Variants in DCP2 observed in about 807,000 individuals in gnomAD.
DCP2 encodes m7GpppN-mRNA hydrolase.
In DCP2, 30 loss-of-function variants were observed where a neutral mutation model predicts 56.1. That is an observed-to-expected ratio of 0.53 (90% confidence interval 0.40 to 0.73). The LOEUF is 0.73. DCP2 is among the 30% of genes least tolerant of loss of function. The pLI is 0.00. For missense variants in DCP2, 533 were observed against 502.7 expected, an observed-to-expected ratio of 1.06 and a Z score of -0.58; for synonymous variants, 197 against 163.3, an observed-to-expected ratio of 1.21 and a Z score of -1.57.
At chr5:112,987,073 C>T (rs975553047) in intron 2 of DCP2, among the ~76,000 whole-genome samples, 4 of 151,944 alleles carry the variant, frequency 2.6e-5, no homozygotes, top group African/African-American at 4.8e-5. Flanking sequence ...AGAAACTTGT[C>T]GTGATTTATT....
chr5:113,008,142 T>C (rs2150189760), intron 9 of DCP2, 100 bp downstream of exon 9: 6 of 989,206 alleles, frequency 6.1e-6, no homozygotes, highest in African/African-American at 3.2e-5. Flanking sequence ...TTTGTTCTTA[T>C]TTTAATTGAT....
intron 2 of DCP2, among the ~76,000 whole-genome samples, chr5:112,986,213 C>T (rs1329582704): frequency 6.6e-6 from 1 of 152,120 alleles, no homozygotes; most frequent in Non-Finnish European, 1.5e-5. Context: ...AAAATGTACA[C>T]TGATTAAATT....
intron 2 of DCP2, among the ~76,000 whole-genome samples, chr5:112,986,568 C>T (rs951496965): frequency 6.6e-6 from 1 of 151,904 alleles, no homozygotes; most frequent in African/African-American, 2.4e-5. Context: ...GAACTCCTGG[C>T]CTCAAGTGAT....
At chr5:112,992,791 A>C (rs768173004) in intron 4 of DCP2, 21 bp downstream of exon 4, 12 of 1,546,034 alleles carry the variant, frequency 7.8e-6, no homozygotes, top group Non-Finnish European at 9.5e-6. Context: ...CCATTTTGAT[A>C]CACAGTAAAT....
intron 8 of DCP2, among the ~76,000 whole-genome samples, chr5:113,006,825 G>A (rs896532501): frequency 2.0e-5 from 3 of 152,018 alleles, no homozygotes; most frequent in Admixed American, 1.3e-4. Context: ...TAGGAATAAT[G>A]GCCCACATTT....
intron 1 of DCP2, among the ~76,000 whole-genome samples, 169 bp from the exon 2 acceptor site, chr5:112,985,666 G>C (rs1377369862): frequency 6.6e-6 from 1 of 152,172 alleles, no homozygotes; most frequent in African/African-American, 2.4e-5. Flanking sequence ...TCCTCTCTAA[G>C]ACTCATCTTC....
In DCP2 at chr5:113,018,440, A is replaced by G. The variant is rs1463633526; in HGVS notation, c.*4956A>G. On this transcript the variant is annotated 3_prime_UTR_variant, in exon 11 of 11. Coordinates refer to ENST00000389063, the MANE Select transcript of DCP2 (RefSeq NM_152624.6). ...TGTTAGCAGCTTGAAGGCACAACGT[A>G]AAAGGAATGAGCTTTCACAAGGTGC... 6.6e-6 allele frequency: 1 copy of G among 152,228 alleles called. No individual in the cohort carries two copies. Among genetic ancestry groups the G allele is most frequent in the East Asian group, 1.9e-4 (1 of 5,200 alleles). The allele number at this position is 152,228 out of a possible 1,614,324, so 9.4% of individuals were successfully genotyped here.
intron 8 of DCP2, among the ~76,000 whole-genome samples, chr5:113,007,149 T>C (rs1463598844): frequency 1.3e-5 from 2 of 152,002 alleles, no homozygotes; most frequent in African/African-American, 2.4e-5. Context: ...ATAATAGTAA[T>C]CTTTGTTATT....
chr5:112,987,645 T>C (rs1748360936), intron 2 of DCP2, among the ~76,000 whole-genome samples: 1 of 142,642 alleles, frequency 7.0e-6, no homozygotes, highest in South Asian at 2.2e-4. Context: ...TTTTTTTTTT[T>C]GTATTTTTAG....
chr5:112,985,429 T>C (rs1463626668), intron 1 of DCP2, among the ~76,000 whole-genome samples: 1 of 152,228 alleles, frequency 6.6e-6, no homozygotes, highest in Non-Finnish European at 1.5e-5. Flanking sequence ...TTTTCCAATA[T>C]TTCTTGGTAA....
chr5:112,986,616 G>A (rs1748302660), intron 2 of DCP2, among the ~76,000 whole-genome samples: 1 of 152,058 alleles, frequency 6.6e-6, no homozygotes, highest in Non-Finnish European at 1.5e-5. Flanking sequence ...GGGATTAGAG[G>A]TGTGAGCCGC....
At chr5:112,980,225 G>C (rs1408646313) in intron 1 of DCP2, among the ~76,000 whole-genome samples, 1 of 152,170 alleles carries the variant, frequency 6.6e-6, no homozygotes, top group Non-Finnish European at 1.5e-5. Context: ...AAAGTTGGTT[G>C]ATTCAAATAA....
chr5:113,012,656 T>C (rs373804495), intron 10 of DCP2, among the ~76,000 whole-genome samples: 2 of 152,214 alleles, frequency 1.3e-5, no homozygotes, highest in African/African-American at 4.8e-5. Flanking sequence ...TTTCTTTTGT[T>C]TTTTTGAGAC....
Position 112,985,950 on chromosome 5 carries a change from T to C in DCP2, c.169T>C (p.Leu57=), listed in dbSNP as rs749378408. The stretch of plus-strand genomic sequence containing the variant: ...TTTCTACATGCAGAACACACCAGGA[T>C]TACCTCAGTGTGGGATAAGAGACTT... ...LDFYMQNTPG[L]PQCGIRDFAK... Residue 57 remains leucine, a synonymous_variant, in exon 2 of 11, where the codon TTA becomes CTA. Coordinates refer to ENST00000389063, the MANE Select transcript of DCP2 (RefSeq NM_152624.6). 6.3e-7 allele frequency: 1 copy of C among 1,592,686 alleles called. No individual in the cohort carries two copies.
intron 4 of DCP2, among the ~76,000 whole-genome samples, chr5:112,998,368 G>A (rs1339672309): frequency 6.6e-6 from 1 of 152,174 alleles, no homozygotes; most frequent in Non-Finnish European, 1.5e-5. Flanking sequence ...TTATCCAGCA[G>A]AATAGGCTGC....
intron 8 of DCP2, among the ~76,000 whole-genome samples, chr5:113,004,993 C>T (rs1368827742): frequency 1.3e-5 from 2 of 151,796 alleles, no homozygotes; most frequent in Non-Finnish European, 2.9e-5. Flanking sequence ...GGCGTGGTGG[C>T]GGGCTCCTGT....
chr5:112,985,116 T>C (rs376209955), intron 1 of DCP2, among the ~76,000 whole-genome samples: 2 of 152,300 alleles, frequency 1.3e-5, no homozygotes, highest in East Asian at 1.9e-4. Flanking sequence ...AAATAAGTGA[T>C]AGCTGCTTAA....
In DCP2 at chr5:112,997,319, T is replaced by C. The variant is rs916610800; in HGVS notation, c.433-3765T>C. ...ATAATAATCTCAATTGTATTTTTGT[T>C]GTGATTTGTGGTGAAACATCAACTT... On this transcript the variant is annotated intron_variant, in intron 4 of 10. Transcript: ENST00000389063. 5.2e-4 allele frequency among the ~76,000 whole-genome samples: 79 copies of C among 152,240 alleles called. 2 individuals carry two copies. The highest frequency in any genetic ancestry group is 1.9e-3 in the African/African-American group (77 of 41,466).
At chr5:112,992,435 C>T (rs1399428629) in intron 3 of DCP2, among the ~76,000 whole-genome samples, 187 bp downstream of exon 3, 3 of 151,488 alleles carry the variant, frequency 2.0e-5, no homozygotes, top group African/African-American at 7.3e-5. Flanking sequence ...GTTGCAGTTA[C>T]GGTGTGGTAC....
Sources: gnomAD v4.1 joint callset for allele counts (sites outside exome capture counted in the v4.1 genomes callset) on GRCh38, gnomAD v4.1.1 for gene constraint, MANE v1.5 for transcripts, NCBI Gene and HGNC (gene_info 2026-07-23, HGNC 2026-07-21) for gene names.